Variants in ENPP4 observed in about 807,000 individuals in gnomAD.
ENPP4 encodes bis(5'-adenosyl)-triphosphatase ENPP4.
Under a neutral mutation model 33.4 loss-of-function variants are expected in ENPP4, and 18 were observed. The ratio of observed to expected loss-of-function variants is 0.54; its 90% CI spans 0.37 to 0.80. The LOEUF (loss-of-function observed/expected upper bound fraction) is 0.80. Among genes scored for constraint, ENPP4 ranks in the 30% least tolerant of loss-of-function variants. The pLI, the probability that ENPP4 is intolerant of heterozygous loss-of-function variation, is 0.00. For synonymous variants in ENPP4, 172 were observed against 189.9 expected, an observed-to-expected ratio of 0.91 and a Z score of 0.78; for missense variants, 480 against 541.7, an observed-to-expected ratio of 0.89 and a Z score of 1.13.
intron 1 of ENPP4, among the ~76,000 whole-genome samples, chr6:46,134,658 G>C (rs1763954037): frequency 6.6e-6 from 1 of 152,028 alleles, no homozygotes; most frequent in Non-Finnish European, 1.5e-5. Context: ...GGACATTTCA[G>C]ATTACAATTT....
At chr6:46,141,321 C>T (rs1241994902) in intron 3 of ENPP4, 99 bp downstream of exon 3, 9 of 821,668 alleles carry the variant, frequency 1.1e-5, no homozygotes, top group African/African-American at 5.3e-5. Context: ...AAGAAGTTCA[C>T]ACAGAATAAT....
chr6:46,138,075 T>G (rs1764001186), intron 1 of ENPP4, among the ~76,000 whole-genome samples: 1 of 151,854 alleles, frequency 6.6e-6, no homozygotes. Flanking sequence ...GTTCAGGGTC[T>G]TCTTAGTCTG....
chr6:46,133,278 G>A (rs187180338), intron 1 of ENPP4, among the ~76,000 whole-genome samples: 33 of 152,196 alleles, frequency 2.2e-4, no homozygotes, highest in African/African-American at 7.9e-4. Flanking sequence ...AGAATCCTAC[G>A]ATTTTTAAGA....
chr6:46,131,008 T>G (rs1763887044), intron 1 of ENPP4, among the ~76,000 whole-genome samples: 1 of 152,228 alleles, frequency 6.6e-6, no homozygotes, highest in Non-Finnish European at 1.5e-5. Context: ...TTCTTCTTTT[T>G]TCCCCTCAGA....
intron 1 of ENPP4, 43 bp from the exon 2 acceptor site, chr6:46,139,508 T>G: frequency 1.3e-6 from 1 of 793,470 alleles, no homozygotes; most frequent in Non-Finnish European, 2.1e-6. Flanking sequence ...TTAACCCAAA[T>G]GAAATAGAAT....
Position 46,139,581 on chromosome 6 carries a change from A to G in ENPP4, c.-3A>G, listed in dbSNP as rs769945423. ...CTGATTGCTGTCCTTCAACGTGTTC[A>G]TTATGAAGTTATTAGTAATACTTTT... On this transcript the variant is annotated 5_prime_UTR_variant, in exon 2 of 4. Transcript: ENST00000321037. The G allele has an allele frequency of 1.2e-5, 17 of 1,442,130 alleles. No homozygotes were observed. The highest frequency in any genetic ancestry group is 2.3e-5 in the East Asian group (1 of 44,044). 89.3% of individuals were successfully genotyped at this position (1,442,130 alleles called of 1,614,324 possible).
At chr6:46,133,062 G>T (rs189936833) in intron 1 of ENPP4, among the ~76,000 whole-genome samples, 1 of 152,168 alleles carries the variant, frequency 6.6e-6, no homozygotes, top group African/African-American at 2.4e-5. Context: ...TGAGACAATG[G>T]GGTTTTCTAG....
chr6:46,134,575 G>A (rs1763953190), intron 1 of ENPP4, among the ~76,000 whole-genome samples: 1 of 152,124 alleles, frequency 6.6e-6, no homozygotes, highest in Admixed American at 6.5e-5. Context: ...AAACACTCAA[G>A]TGTGTATTTT....
rs1439046609 is a variant in ENPP4 at position 46,143,641 on chromosome 6, CAT to C, written c.*2_*3del. On this transcript the variant is annotated 3_prime_UTR_variant, in exon 4 of 4. Transcript: ENST00000321037. ...TGATGATGATCCTTTAATTGGGTGA[CAT>C]GTGCTAGGGCTTATACAAAGTGTCT... 3 of 1,605,274 alleles carry C rather than the reference CAT, an allele frequency of 1.9e-6. No individual in the cohort carries two copies. The highest frequency in any genetic ancestry group is 1.1e-5 in the South Asian group (1 of 89,524).
intron 1 of ENPP4, among the ~76,000 whole-genome samples, chr6:46,134,666 T>A (rs1763954109): frequency 6.6e-6 from 1 of 152,048 alleles, no homozygotes; most frequent in Admixed American, 6.6e-5. Flanking sequence ...CAGATTACAA[T>A]TTCACTTCCC....
intron 1 of ENPP4, among the ~76,000 whole-genome samples, chr6:46,133,310 TA>T (rs1476052215): frequency 1.3e-5 from 2 of 152,192 alleles, no homozygotes; most frequent in Non-Finnish European, 2.9e-5. Context: ...TTAAGGAGTA[TA>T]TTTTTTTCCT....
chr6:46,142,017 A>G (rs1308941097), intron 3 of ENPP4, among the ~76,000 whole-genome samples: 1 of 151,574 alleles, frequency 6.6e-6, no homozygotes, highest in African/African-American at 2.4e-5. Flanking sequence ...CTCTGTTTAC[A>G]AAAAGGATGG....
Position 46,143,756 on chromosome 6 carries a change from A to T in ENPP4, c.*116A>T. The T allele has an allele frequency of 9.5e-7, 1 of 1,054,900 alleles. No homozygotes were observed. Among genetic ancestry groups the T allele is most frequent in the East Asian group, 2.4e-5 (1 of 41,318 alleles). The allele number at this position is 1,054,900 out of a possible 1,614,324, so 65.3% of individuals were successfully genotyped here. The stretch of plus-strand genomic sequence containing the variant: ...CTTTGAAAGACAAAGAACTTAGACT[A>T]AGCATGTTAAAATTATTACTTTGTT... On this transcript the variant is annotated 3_prime_UTR_variant, in exon 4 of 4. Transcript: ENST00000321037.
At position 46,145,040 on chromosome 6, in the gene ENPP4, G is replaced by T. The variant is rs1168867984; in HGVS notation, c.*1400G>T. The T allele has an allele frequency of 5.1e-6, 2 of 395,340 alleles. No homozygotes were observed. The highest frequency in any genetic ancestry group is 8.9e-6 in the Non-Finnish European group (2 of 223,762). 24.5% of individuals were successfully genotyped at this position (395,340 alleles called of 1,614,324 possible). ...ATTATATTTAGTAGGGGAAAAATTG[G>T]GCTCAAGAACCATTCATCAGTACGT... is the stretch of plus-strand genomic sequence containing the variant. On this transcript the variant is annotated 3_prime_UTR_variant, in exon 4 of 4. Coordinates refer to ENST00000321037, the MANE Select transcript of ENPP4 (RefSeq NM_014936.5).
chr6:46,139,897 C>T lies in ENPP4; in HGVS notation c.314C>T (p.Ser105Phe), dbSNP rs770436525. 71 of 1,612,702 alleles carry T rather than the reference C, an allele frequency of 4.4e-5. No homozygotes were observed. The highest frequency in any genetic ancestry group is 1.9e-4 in the South Asian group (17 of 91,062). Residue 105 changes from serine to phenylalanine, a missense_variant, in exon 2 of 4, where the codon TCT (serine) becomes TTT (phenylalanine). Around this residue, in one of 3 missense-constraint regions of ENPP4, gnomAD observed 227 missense variants for 273.7 expected, o/e 0.83. Coordinates refer to ENST00000321037, the MANE Select transcript of ENPP4 (RefSeq NM_014936.5). Reference sequence around the variant, plus strand: ...GTCACAAAGAAACACTTTTCTGACTCTAATGACAAGGATCCTTTTTGGTGG... The same window carrying T: ...GTCACAAAGAAACACTTTTCTGACTTTAATGACAAGGATCCTTTTTGGTGG... The part of the protein sequence containing the change: ...DAVTKKHFSD[S>F]NDKDPFWWNE...
In ENPP4 at chr6:46,143,805, A is replaced by G. The variant is rs1341065716; in HGVS notation, c.*165A>G. ...TTTTCCTTGTGTTTTGTTTCGGTGC[A>G]TTTGCTAATAAGATAACGCTGACCA... On this transcript the variant is annotated 3_prime_UTR_variant, in exon 4 of 4. Transcript: ENST00000321037. The G allele has an allele frequency of 1.5e-6, 1 of 678,088 alleles. No individual in the cohort carries two copies. The highest frequency in any genetic ancestry group is 2.7e-5 in the East Asian group (1 of 36,606). 42.0% of individuals were successfully genotyped at this position (678,088 alleles called of 1,614,324 possible).
intron 1 of ENPP4, among the ~76,000 whole-genome samples, chr6:46,138,208 C>T (rs1395621126): frequency 6.6e-6 from 1 of 151,810 alleles, no homozygotes; most frequent in African/African-American, 2.4e-5. Flanking sequence ...AGTTGAAAAA[C>T]TTCTCTACTT....
chr6:46,146,246 A>G lies in ENPP4; in HGVS notation c.*2606A>G, dbSNP rs1255889118. ...TAGCAATAGAATAAAACATATTTCA[A>G]TGTTTGTGTATAGGTTTTATATTAT... On this transcript the variant is annotated 3_prime_UTR_variant, in exon 4 of 4. Transcript: ENST00000321037. 2.0e-5 allele frequency: 3 copies of G among 152,310 alleles called. No homozygotes were observed. Among genetic ancestry groups the G allele is most frequent in the Non-Finnish European group, 4.4e-5 (3 of 67,816 alleles). The allele number at this position is 152,310 out of a possible 1,614,324, so 9.4% of individuals were successfully genotyped here.
At chr6:46,132,777 T>G (rs1268553329) in intron 1 of ENPP4, among the ~76,000 whole-genome samples, 1 of 152,220 alleles carries the variant, frequency 6.6e-6, no homozygotes, top group Non-Finnish European at 1.5e-5. Context: ...TGATTCTTCC[T>G]ACCCATGAGC....
Sources: allele counts gnomAD v4.1 joint callset (sites outside exome capture counted in the v4.1 genomes callset), GRCh38; gene constraint gnomAD v4.1.1; regional missense constraint gnomAD v4.1.1; transcripts MANE v1.5; gene names NCBI Gene and HGNC (gene_info 2026-07-23, HGNC 2026-07-21).